The following MAD1L1 variants were observed in gnomAD, a reference collection of about 807,000 sequenced individuals.
MAD1L1 encodes the protein mitotic spindle assembly checkpoint protein MAD1.
Under a neutral mutation model 96.9 loss-of-function variants are expected in MAD1L1, and 95 were observed. That is an observed-to-expected ratio of 0.98 (90% CI 0.83 to 1.16). The LOEUF (loss-of-function observed/expected upper bound fraction) is 1.16. MAD1L1 is among the 50% of genes most tolerant of loss of function. MAD1L1 has a pLI of 0.00. For synonymous variants in MAD1L1, 473 were observed against 396.6 expected (o/e 1.19, Z -2.29); for missense variants, 1,007 against 954.4 (o/e 1.06, Z -0.73).
chr7:2,098,072 C>T (rs1786586747), intron 11 of MAD1L1, among the ~76,000 whole-genome samples: 1 of 152,204 alleles, frequency 6.6e-6, no homozygotes, highest in African/African-American at 2.4e-5. Flanking sequence ...GGCTCCATGC[C>T]ACACAGCTCT....
At chr7:1,936,638 AC>A in intron 17 of MAD1L1, 48 bp downstream of exon 17, 1 of 1,515,636 alleles carries the variant, frequency 6.6e-7, no homozygotes, top group South Asian at 1.2e-5. Context: ...GGATGGACCT[AC>A]CCACGGAAGG....
rs1335806159 is a variant in MAD1L1 at position 2,103,767 on chromosome 7, C to T, written c.1074-34429G>A. Among the ~76,000 whole-genome samples, 1 of 152,172 alleles carries T rather than the reference C, an allele frequency of 6.6e-6. No individual in the cohort carries two copies. Among genetic ancestry groups the T allele is most frequent in the Non-Finnish European group, 1.5e-5 (1 of 68,020 alleles). On this transcript the variant is annotated intron_variant, in intron 11 of 18. Transcript: ENST00000265854. This position sits in a 1 kb window ranked among gnomAD's most constrained non-coding sequence, Gnocchi z 4.3. The stretch of plus-strand genomic sequence containing the variant: ...TCCCAGCAGTGTGGCATAAGCAGAC[C>T]CCCTGAACCACTGTGCACGGAGTCC...
chr7:2,228,834 G>A (rs1288820697), intron 3 of MAD1L1, among the ~76,000 whole-genome samples: 1 of 151,248 alleles, frequency 6.6e-6, no homozygotes, highest in East Asian at 2.0e-4. Context: ...TCTGACTCCC[G>A]GGTTCACACC....
chr7:1,937,268 G>A (rs1447721164), intron 16 of MAD1L1, among the ~76,000 whole-genome samples: 6 of 152,210 alleles, frequency 3.9e-5, no homozygotes, highest in Non-Finnish European at 7.4e-5. Context: ...TGGCTGGGAT[G>A]AGACTGGGAG....
rs80332426 is a variant in MAD1L1 at position 2,157,187 on chromosome 7, T to C, written c.987-7949A>G. Among the ~76,000 whole-genome samples the C allele has an allele frequency of 9.0e-3, 1,366 of 151,850 alleles. 17 individuals are homozygous for C. Among genetic ancestry groups the C allele is most frequent in the African/African-American group, 0.031 (1,299 of 41,366 alleles). On this transcript the variant is annotated intron_variant, in intron 10 of 18. Transcript: ENST00000265854. ...ATATACTGGAACGTCTTCAAAAGAGTGCTAAGTAATACAATATTTTAAGAA... is the reference window on the plus strand; with the variant it reads ...ATATACTGGAACGTCTTCAAAAGAGCGCTAAGTAATACAATATTTTAAGAA...
chr7:1,845,436 G>C (rs542109818), intron 18 of MAD1L1: 2 of 70,442 alleles, frequency 2.8e-5, no homozygotes, highest in South Asian at 9.6e-4. Context: ...TGGTTCACGG[G>C]GAAGAGCGCT....
At chr7:1,993,957 T>C (rs932339680) in intron 14 of MAD1L1, among the ~76,000 whole-genome samples, 2 of 152,148 alleles carry the variant, frequency 1.3e-5, no homozygotes, top group African/African-American at 2.4e-5. Context: ...CAGCCTGATA[T>C]GAGGAAGCCC....
chr7:1,977,026 G>A (rs571750862), intron 15 of MAD1L1, among the ~76,000 whole-genome samples: 257 of 152,354 alleles, frequency 1.7e-3, no homozygotes, highest in African/African-American at 5.4e-3. Flanking sequence ...AGTCCCCACC[G>A]GACTCAGGAG....
intron 10 of MAD1L1, among the ~76,000 whole-genome samples, chr7:2,182,657 C>T (rs1477188413): frequency 1.3e-5 from 2 of 152,168 alleles, no homozygotes; most frequent in African/African-American, 4.8e-5. Context: ...TGATCCGTGC[C>T]ACAGGGTAGA....
intron 12 of MAD1L1, among the ~76,000 whole-genome samples, chr7:2,019,428 G>C (rs953950504): frequency 6.6e-6 from 1 of 152,208 alleles, no homozygotes; most frequent in East Asian, 1.9e-4. Flanking sequence ...ACAGTCCTGC[G>C]CTCCAATCTG....
intron 12 of MAD1L1, among the ~76,000 whole-genome samples, chr7:2,018,299 C>T (rs883444): frequency 0.81 from 123,053 of 152,206 alleles, 52,467 homozygotes; most frequent in Non-Finnish European, 0.95. Context: ...AGCCTCACTG[C>T]GAAGTTCAAA....
chr7:1,841,942 C>A (rs970377040), intron 18 of MAD1L1, among the ~76,000 whole-genome samples: 2 of 152,212 alleles, frequency 1.3e-5, no homozygotes, highest in Admixed American at 6.5e-5. Context: ...ACGCCGTCAC[C>A]ACCCCAGCCC....
intron 11 of MAD1L1, 34 bp downstream of exon 11, chr7:2,149,118 C>A: frequency 6.2e-7 from 1 of 1,603,882 alleles, no homozygotes; most frequent in Non-Finnish European, 8.5e-7. Flanking sequence ...AAAGCAAACG[C>A]ATCCCCACAA....
intron 18 of MAD1L1, among the ~76,000 whole-genome samples, chr7:1,896,883 A>G (rs1455590536): frequency 1.3e-5 from 2 of 152,282 alleles, no homozygotes; most frequent in African/African-American, 4.8e-5. Context: ...TAATCATTTT[A>G]GAAACCTATG....
chr7:1,857,608 C>T (rs1784321883), intron 18 of MAD1L1, among the ~76,000 whole-genome samples: 2 of 152,208 alleles, frequency 1.3e-5, no homozygotes, highest in South Asian at 2.1e-4. Context: ...AGGATGAGCC[C>T]CTGGACCAGG....
In MAD1L1 at chr7:2,220,855, G is replaced by A. The variant is rs540417472; in HGVS notation, c.472-1399C>T. ...TACTAACAATAAACACATCCTCCCA[G>A]AGGTCTTCCGAACTCAATTAATACG... is the stretch of plus-strand genomic sequence containing the variant. On this transcript the variant is annotated intron_variant, in intron 5 of 18. Transcript: ENST00000265854. 8.4e-5 allele frequency: 133 copies of A among 1,587,160 alleles called. No homozygotes were observed. The Admixed American group carries it at 8.9e-4, about 11-fold the overall frequency.
intron 10 of MAD1L1, among the ~76,000 whole-genome samples, chr7:2,175,958 G>C (rs973627641): frequency 6.6e-6 from 1 of 152,216 alleles, no homozygotes; most frequent in African/African-American, 2.4e-5. Flanking sequence ...TATTAAGAGA[G>C]AAGAGAAAAA....
chr7:2,185,752 G>A (rs1637752), intron 10 of MAD1L1, among the ~76,000 whole-genome samples: 3,128 of 152,160 alleles, frequency 0.021, 57 homozygotes, highest in African/African-American at 0.047. Flanking sequence ...AGAACGTGAC[G>A]GTCAGGGTGA....
intron 12 of MAD1L1, among the ~76,000 whole-genome samples, chr7:2,038,470 T>C (rs947418898): frequency 6.7e-5 from 10 of 150,314 alleles, no homozygotes; most frequent in Non-Finnish European, 1.5e-4. Context: ...GACAAGCTGA[T>C]GCTGTTAGGA....
Sources: gnomAD v4.1 joint callset for allele counts (sites outside exome capture counted in the v4.1 genomes callset) on GRCh38, gnomAD v4.1.1 for gene constraint, Gnocchi (gnomAD v3.1) non-coding constraint, MANE v1.5 for transcripts, NCBI Gene and HGNC (gene_info 2026-07-23, HGNC 2026-07-21) for gene names.